CLDN12: variants seen among roughly 807,000 people sequenced by gnomAD.
The protein encoded by CLDN12 is claudin 12.
Under a neutral mutation model 15.5 loss-of-function variants are expected in CLDN12, and 9 were observed. That is an observed-to-expected ratio of 0.58 (90% CI 0.35 to 1.02). CLDN12 has a LOEUF of 1.02. Among genes scored for constraint, CLDN12 ranks in the 50% least tolerant of loss-of-function variants. The pLI, the probability that CLDN12 is intolerant of heterozygous loss-of-function variation, is 0.02. For synonymous variants in CLDN12, 140 were observed against 121.6 expected (o/e 1.15, Z -1.00); for missense variants, 233 against 297.3 (o/e 0.78, Z 1.59).
chr7:90,410,809 C>T (rs1380321743), intron 2 of CLDN12, among the ~76,000 whole-genome samples: 1 of 151,998 alleles, frequency 6.6e-6, no homozygotes, highest in Non-Finnish European at 1.5e-5. Flanking sequence ...CCAGCCTAGG[C>T]AACATGAGAA....
chr7:90,414,769 A>G lies in CLDN12; in HGVS notation c.*1358A>G, dbSNP rs1421494035. On this transcript the variant is annotated 3_prime_UTR_variant, in exon 4 of 4. Coordinates refer to ENST00000496677, the MANE Select transcript of CLDN12 (RefSeq NM_001185072.3). Reference sequence around the variant, plus strand: ...GAGAATGGACAAAAGTGGTAGGGAAATTGTTCCCTCTCCACTTCTGAAAGT... The same window carrying G: ...GAGAATGGACAAAAGTGGTAGGGAAGTTGTTCCCTCTCCACTTCTGAAAGT... 3 of 167,062 alleles carry G rather than the reference A, an allele frequency of 1.8e-5. No homozygotes were observed. Among genetic ancestry groups the G allele is most frequent in the African/African-American group, 4.8e-5 (2 of 41,458 alleles). The allele number at this position is 167,062 out of a possible 1,614,324, so 10.3% of individuals were successfully genotyped here.
intron 1 of CLDN12, among the ~76,000 whole-genome samples, chr7:90,403,998 G>A: frequency 7.1e-6 from 1 of 140,298 alleles, no homozygotes; most frequent in Non-Finnish European, 1.5e-5. Flanking sequence ...CACACACAGG[G>A]CTCTTCGAAA....
Position 90,414,497 on chromosome 7 carries a change from G to C in CLDN12, c.*1086G>C, listed in dbSNP as rs899170131. ...TATGAGATCTGGTTCCATCCAGTAA[G>C]ACATTTTAATAGAGAAGATCAAAAT... On this transcript the variant is annotated 3_prime_UTR_variant, in exon 4 of 4. Transcript: ENST00000496677. 27 of 669,832 alleles carry C rather than the reference G, an allele frequency of 4.0e-5. No individual in the cohort carries two copies. The highest frequency in any genetic ancestry group is 5.1e-5 in the Non-Finnish European group (27 of 528,366). 41.5% of individuals were successfully genotyped at this position (669,832 alleles called of 1,614,324 possible).
Position 90,414,439 on chromosome 7 carries a change from C to G in CLDN12, c.*1028C>G. 1 of 973,246 alleles carries G rather than the reference C, an allele frequency of 1.0e-6. No homozygotes were observed. Among genetic ancestry groups the G allele is most frequent in the Non-Finnish European group, 1.2e-6 (1 of 805,380 alleles). 60.3% of individuals were successfully genotyped at this position (973,246 alleles called of 1,614,324 possible). A position where few individuals can be genotyped will look rare whatever the true frequency, so the allele number is the denominator to read the frequency against. On this transcript the variant is annotated 3_prime_UTR_variant, in exon 4 of 4. Transcript: ENST00000496677. ...CTTGAGCATATATCTCTGCCTAACACTTTAGTAGGTGCTATAGAGGATACA... is the reference window on the plus strand; with the variant it reads ...CTTGAGCATATATCTCTGCCTAACAGTTTAGTAGGTGCTATAGAGGATACA...
Position 90,413,553 on chromosome 7 carries a change from G to T in CLDN12, c.*142G>T. On this transcript the variant is annotated 3_prime_UTR_variant, in exon 4 of 4. Transcript: ENST00000496677. ...AATTTATATGTCCTAGTAGAATGAA[G>T]TGCTGCTAGTTTTTATGAGAAGTAT... The T allele has an allele frequency of 7.0e-7, 1 of 1,437,642 alleles. No individual in the cohort carries two copies. Among genetic ancestry groups the T allele is most frequent in the Non-Finnish European group, 9.1e-7 (1 of 1,095,072 alleles). The allele number at this position is 1,437,642 out of a possible 1,614,324, so 89.1% of individuals were successfully genotyped here.
In CLDN12 at chr7:90,413,604, A is replaced by G; in HGVS notation, c.*193A>G. On this transcript the variant is annotated 3_prime_UTR_variant, in exon 4 of 4. Transcript: ENST00000496677. ...ATTATATTAAATGTGAATTTTTTAA[A>G]TTTTGCTTCTTATACTGGAAGGAAT... The G allele has an allele frequency of 1.5e-6, 2 of 1,349,962 alleles. No individual in the cohort carries two copies. Among genetic ancestry groups the G allele is most frequent in the Non-Finnish European group, 1.9e-6 (2 of 1,048,840 alleles). 83.6% of individuals were successfully genotyped at this position (1,349,962 alleles called of 1,614,324 possible). A position where few individuals can be genotyped will look rare whatever the true frequency, so the allele number is the denominator to read the frequency against.
Position 90,413,320 on chromosome 7 carries a change from C to G in CLDN12, c.644C>G (p.Pro215Arg). 1.9e-6 allele frequency: 3 copies of G among 1,614,126 alleles called. No individual in the cohort carries two copies. Among genetic ancestry groups the G allele is most frequent in the Non-Finnish European group, 2.5e-6 (3 of 1,180,014 alleles). The change falls in exon 4 of 4, where the codon CCC becomes CGC. Residue 215 changes from proline (P) to arginine (R), a missense_variant. Coordinates refer to ENST00000496677, the MANE Select transcript of CLDN12 (RefSeq NM_001185072.3). ...TGGCAACCATTGTACTCCCATCCAC[C>G]CAGTATGCATACTTACTCACAGCCC... is the stretch of plus-strand genomic sequence containing the variant. ...PFWQPLYSHPPSMHTYSQPYS... is the reference protein window; with the variant it reads ...PFWQPLYSHPRSMHTYSQPYS...
In CLDN12 at chr7:90,412,958, G is replaced by T. The variant is rs566157753; in HGVS notation, c.282G>T (p.Met94Ile). ...TCCAGTTTGCCCTACCCCTCAGCAT[G>T]CTGATCGCCATGGGTGCCCTGCTGC... is the stretch of plus-strand genomic sequence containing the variant. ...RVLQFALPLS[M>I]LIAMGALLLC... The change falls in exon 4 of 4, where the codon ATG (methionine) becomes ATT (isoleucine). Residue 94 changes from methionine (M) to isoleucine (I), a missense_variant. Physicochemically the swap from Met to Ile is conservative, Grantham distance 10. Coordinates refer to ENST00000496677, the MANE Select transcript of CLDN12 (RefSeq NM_001185072.3). 3 of 1,614,164 alleles carry T rather than the reference G, an allele frequency of 1.9e-6. No individual in the cohort carries two copies. In the South Asian group the frequency reaches 3.3e-5, roughly 18 times the overall value.
chr7:90,409,516 C>T (rs1796913899), intron 2 of CLDN12, among the ~76,000 whole-genome samples: 1 of 152,168 alleles, frequency 6.6e-6, no homozygotes. Context: ...GCCAATTCGC[C>T]CAGCCAGTAT....
At chr7:90,412,452 G>A in intron 3 of CLDN12, 192 bp from the exon 4 acceptor site, 1 of 509,042 alleles carries the variant, frequency 2.0e-6, no homozygotes, top group Non-Finnish European at 3.4e-6. Flanking sequence ...AAATGTGTGT[G>A]CACCTGTGCT....
chr7:90,408,053 G>C (rs1056830348), intron 2 of CLDN12, among the ~76,000 whole-genome samples: 2 of 152,122 alleles, frequency 1.3e-5, no homozygotes, highest in Non-Finnish European at 2.9e-5. Flanking sequence ...GGCGGATGAG[G>C]TTTGCATTTG....
At chr7:90,411,544 G>T (rs1796962245) in intron 2 of CLDN12, among the ~76,000 whole-genome samples, 2 of 152,134 alleles carry the variant, frequency 1.3e-5, no homozygotes, top group African/African-American at 4.8e-5. Flanking sequence ...CTTGAAAAAT[G>T]TTTGCATTCG....
rs185494628 is a variant in CLDN12, at chr7:90,405,074, A to T, written c.-166-445A>T. 1.1e-4 allele frequency among the ~76,000 whole-genome samples: 17 copies of T among 151,874 alleles called. 1 individual carries two copies. The highest frequency in any genetic ancestry group is 6.2e-4 in the South Asian group (3 of 4,808). On this transcript the variant is annotated intron_variant, in intron 1 of 3. Transcript: ENST00000496677. ...CACCTGGCTAATTATTATTATTATTATTTTTTGAGCCAGAATCTCTCTCTG... is the reference window on the plus strand; with the variant it reads ...CACCTGGCTAATTATTATTATTATTTTTTTTTGAGCCAGAATCTCTCTCTG...
rs751390117 is a variant in CLDN12 at position 90,413,128 on chromosome 7, C to G, written c.452C>G (p.Ser151Cys). ...GCAGGTACTGTGAGCCTCTCCCCAT[C>G]TATCTGGGTCATCTTTTATAACATC... ...FLAGTVSLSP[S>C]IWVIFYNIHL... is the part of the protein sequence containing the mutation. Residue 151 changes from serine (S) to cysteine (C), a missense_variant, in exon 4 of 4, where the codon TCT becomes TGT. Physicochemically the swap from Ser to Cys is moderately radical, Grantham distance 112. Coordinates refer to ENST00000496677, the MANE Select transcript of CLDN12 (RefSeq NM_001185072.3). The G allele has an allele frequency of 3.5e-5, 57 of 1,614,110 alleles. No homozygotes were observed. Among genetic ancestry groups the G allele is most frequent in the Non-Finnish European group, 4.7e-5 (55 of 1,180,056 alleles).
At chr7:90,409,108 C>T (rs1375552119) in intron 2 of CLDN12, 1 of 152,122 alleles carries the variant, frequency 6.6e-6, no homozygotes, top group Non-Finnish European at 1.5e-5. Context: ...TTGTTTCTCA[C>T]TCCATTTACA....
intron 2 of CLDN12, among the ~76,000 whole-genome samples, chr7:90,411,610 T>G (rs1450201262): frequency 6.6e-6 from 1 of 151,396 alleles, no homozygotes; most frequent in Non-Finnish European, 1.5e-5. Context: ...TCCCTGAAAA[T>G]CTACATCTTG....
At chr7:90,408,784 A>T (rs563395109) in intron 2 of CLDN12, among the ~76,000 whole-genome samples, 36 of 152,344 alleles carry the variant, frequency 2.4e-4, no homozygotes, top group Middle Eastern at 3.4e-3. Flanking sequence ...GAGAACCAAT[A>T]TAATATTTGT....
intron 2 of CLDN12, among the ~76,000 whole-genome samples, chr7:90,406,412 A>G (rs1562967707): frequency 1.3e-5 from 2 of 152,198 alleles, no homozygotes; most frequent in African/African-American, 4.8e-5. Flanking sequence ...GTTATTTGAA[A>G]TAGAGTCTCT....
Position 90,415,303 on chromosome 7 carries a change from A to C in CLDN12, c.*1892A>C, listed in dbSNP as rs1797051611. 6.0e-6 allele frequency: 1 copy of C among 166,440 alleles called. No homozygotes were observed. The highest frequency in any genetic ancestry group is 1.5e-5 in the Non-Finnish European group (1 of 68,080). 10.3% of individuals were successfully genotyped at this position (166,440 alleles called of 1,614,324 possible). ...TAAGACAACGATGGGTAGAATTTTG[A>C]GATTAATGTTAATTTTCCCTTTTTG... On this transcript the variant is annotated 3_prime_UTR_variant, in exon 4 of 4. Coordinates refer to ENST00000496677, the MANE Select transcript of CLDN12 (RefSeq NM_001185072.3).
Sources: gnomAD v4.1 joint callset for allele counts (sites outside exome capture counted in the v4.1 genomes callset) on GRCh38, gnomAD v4.1.1 for gene constraint, MANE v1.5 for transcripts, NCBI Gene and HGNC (gene_info 2026-07-23, HGNC 2026-07-21) for gene names.